LCLAT1: variants seen among roughly 807,000 people sequenced by gnomAD.
LCLAT1 encodes the protein lysocardiolipin acyltransferase 1.
A neutral mutation model predicts 30.7 loss-of-function variants in LCLAT1; 11 were observed. The observed-to-expected ratio is 0.36, with a 90% CI of 0.23 to 0.59. The LOEUF (loss-of-function observed/expected upper bound fraction) is 0.59. LCLAT1 is among the 20% of genes least tolerant of loss of function. The pLI, the probability that LCLAT1 is intolerant of heterozygous loss-of-function variation, is 0.77. For synonymous variants in LCLAT1, 155 were observed against 151.3 expected, an observed-to-expected ratio of 1.02 and a Z score of -0.18; for missense variants, 402 against 458.6, an observed-to-expected ratio of 0.88 and a Z score of 1.13.
chr2:30,641,923 G>GTTA lies in LCLAT1; in HGVS notation c.*1305_*1306insTAT, dbSNP rs1558577403. On this transcript the variant is annotated 3_prime_UTR_variant, in exon 6 of 6. Transcript: ENST00000379509. ...TTTTTTTTTTCTTTTTTTTTTTGTC[G>GTTA]TGTAAGAAGGATGCTGGTCAGAGCT... The GTTA allele has an allele frequency of 5.2e-5, 7 of 135,816 alleles. No homozygotes were observed. The highest frequency in any genetic ancestry group is 7.9e-5 in the Non-Finnish European group (5 of 63,220). 8.4% of individuals were successfully genotyped at this position (135,816 alleles called of 1,614,324 possible). A position where few individuals can be genotyped will look rare whatever the true frequency, so the allele number is the denominator to read the frequency against.
chr2:30,618,281 G>C (rs1019855693), intron 5 of LCLAT1, among the ~76,000 whole-genome samples: 1 of 152,068 alleles, frequency 6.6e-6, no homozygotes. Context: ...CTTAGAATCA[G>C]TTTGTTAATT....
intron 5 of LCLAT1, among the ~76,000 whole-genome samples, chr2:30,629,386 C>A (rs889129535): frequency 2.2e-4 from 33 of 152,164 alleles, no homozygotes; most frequent in African/African-American, 7.2e-4. Context: ...GTGGCGAAAC[C>A]CTGTCTCTAC....
chr2:30,625,648 G>A (rs374631443), intron 5 of LCLAT1, among the ~76,000 whole-genome samples: 5 of 152,206 alleles, frequency 3.3e-5, no homozygotes, highest in Admixed American at 6.5e-5. Flanking sequence ...TTATATTGGG[G>A]CATATTTTTA....
At chr2:30,526,993 A>AT (rs1366867553) in intron 2 of LCLAT1, among the ~76,000 whole-genome samples, 2 of 152,140 alleles carry the variant, frequency 1.3e-5, no homozygotes, top group Non-Finnish European at 2.9e-5. Context: ...TAAAATACTC[A>AT]TTTTTTGTTG....
chr2:30,465,388 T>TG (rs1682368836), intron 1 of LCLAT1, among the ~76,000 whole-genome samples: 2 of 152,144 alleles, frequency 1.3e-5, no homozygotes, highest in South Asian at 4.1e-4. Context: ...AGTGTGACCT[T>TG]GCTTTTGTTC....
At chr2:30,521,492 CTTTTTTT>C (rs869093721) in intron 1 of LCLAT1, among the ~76,000 whole-genome samples, 1 of 16,814 alleles carries the variant, frequency 5.9e-5, no homozygotes. Flanking sequence ...ACTACTTCTT[CTTTTTTT>C]TTTTTTTTTT....
chr2:30,578,621 G>A (rs548682090), intron 5 of LCLAT1, among the ~76,000 whole-genome samples: 1 of 152,222 alleles, frequency 6.6e-6, no homozygotes, highest in South Asian at 2.1e-4. Flanking sequence ...GCAGATCTAC[G>A]TTCAGTTAAC....
intron 4 of LCLAT1, among the ~76,000 whole-genome samples, chr2:30,566,813 C>A (rs1401552329): frequency 1.3e-5 from 2 of 152,128 alleles, no homozygotes; most frequent in Admixed American, 6.5e-5. Context: ...CTTCTTGGAA[C>A]TTGTAAAGTT....
intron 5 of LCLAT1, among the ~76,000 whole-genome samples, chr2:30,624,451 G>A (rs1668410246): frequency 1.3e-5 from 2 of 152,152 alleles, no homozygotes; most frequent in African/African-American, 4.8e-5. Flanking sequence ...GACACCAAAA[G>A]TGAGCAGGAG....
chr2:30,472,945 G>A (rs2148294900), intron 1 of LCLAT1, among the ~76,000 whole-genome samples: 1 of 152,170 alleles, frequency 6.6e-6, no homozygotes, highest in South Asian at 2.1e-4. Flanking sequence ...TGGATAGTGT[G>A]TTGCAACTAT....
At chr2:30,616,471 T>C (rs1360995290) in intron 5 of LCLAT1, among the ~76,000 whole-genome samples, 2 of 152,222 alleles carry the variant, frequency 1.3e-5, no homozygotes, top group South Asian at 2.1e-4. Context: ...ATTAGAGCTA[T>C]ATGCTTCTAA....
chr2:30,452,097 A>G (rs1265804218), intron 1 of LCLAT1, among the ~76,000 whole-genome samples: 1 of 152,218 alleles, frequency 6.6e-6, no homozygotes, highest in African/African-American at 2.4e-5. Context: ...TGACTGGGAA[A>G]GGGCATGAGG....
At chr2:30,559,302 A>T (rs1469829808) in intron 3 of LCLAT1, among the ~76,000 whole-genome samples, 1 of 152,196 alleles carries the variant, frequency 6.6e-6, no homozygotes, top group African/African-American at 2.4e-5. Context: ...TAAGCTCTCT[A>T]CCTATATATA....
At chr2:30,623,031 A>C (rs1668338589) in intron 5 of LCLAT1, among the ~76,000 whole-genome samples, 1 of 151,052 alleles carries the variant, frequency 6.6e-6, no homozygotes, top group Non-Finnish European at 1.5e-5. Flanking sequence ...AGAAAGGTGA[A>C]TACCAATTCA....
At chr2:30,570,244 C>T (rs2148453009) in intron 5 of LCLAT1, among the ~76,000 whole-genome samples, 1 of 152,280 alleles carries the variant, frequency 6.6e-6, no homozygotes, top group Admixed American at 6.5e-5. Context: ...CTGGTCTCCC[C>T]AACATCCCTC....
At chr2:30,525,024 A>T (rs1208723324) in intron 1 of LCLAT1, among the ~76,000 whole-genome samples, 1 of 126,472 alleles carries the variant, frequency 7.9e-6, no homozygotes, top group East Asian at 2.6e-4. Context: ...AGAAAAGAAA[A>T]TATATGGTTT....
chr2:30,462,061 C>T (rs1412323785), intron 1 of LCLAT1, among the ~76,000 whole-genome samples: 4 of 152,092 alleles, frequency 2.6e-5, no homozygotes, highest in African/African-American at 4.8e-5. Context: ...CGTGAGCCAC[C>T]GCGCCCGGCC....
intron 5 of LCLAT1, among the ~76,000 whole-genome samples, chr2:30,601,530 A>G (rs13427862): frequency 0.13 from 19,490 of 152,174 alleles, 1,385 homozygotes; most frequent in South Asian, 0.23. Flanking sequence ...AAGGACCAAT[A>G]AGACCAAGAT....
intron 1 of LCLAT1, among the ~76,000 whole-genome samples, chr2:30,466,507 C>G (rs1997036): frequency 0.13 from 19,211 of 151,978 alleles, 1,349 homozygotes; most frequent in South Asian, 0.23. Context: ...TTAAAATTTG[C>G]ATTGCTTAGT....
Sources: gnomAD v4.1 joint callset for allele counts (sites outside exome capture counted in the v4.1 genomes callset) on GRCh38, gnomAD v4.1.1 for gene constraint, MANE v1.5 for transcripts, NCBI Gene and HGNC (gene_info 2026-07-23, HGNC 2026-07-21) for gene names.